RBFOX1: variants seen among roughly 807,000 people sequenced by gnomAD.
The protein encoded by RBFOX1 is RNA binding fox-1 homolog 1.
In RBFOX1, 8 loss-of-function variants were observed where a neutral mutation model predicts 57.7. That is an observed-to-expected ratio of 0.14 (90% CI 0.08 to 0.25). RBFOX1 has a LOEUF of 0.25. Among genes scored for constraint, RBFOX1 ranks in the 10% least tolerant of loss-of-function variants. RBFOX1 has a pLI of 1.00. For synonymous variants in RBFOX1, 326 were observed against 222.4 expected (o/e 1.47, Z -4.15); for missense variants, 611 against 548.5 (o/e 1.11, Z -1.14).
intron 3 of RBFOX1, among the ~76,000 whole-genome samples, chr16:6,724,651 A>G (rs1166217878): frequency 1.3e-5 from 2 of 152,216 alleles, no homozygotes; most frequent in Non-Finnish European, 2.9e-5. Context: ...ATTTTGTTAT[A>G]GCAGCCCGAA....
chr16:5,372,172 T>C (rs1003292408), intron 1 of RBFOX1, among the ~76,000 whole-genome samples: 2 of 152,176 alleles, frequency 1.3e-5, no homozygotes, highest in Non-Finnish European at 2.9e-5. Context: ...TAGGTCAATA[T>C]TTGATGGCTT....
At chr16:6,712,488 GT>G (rs1012111452) in intron 3 of RBFOX1, among the ~76,000 whole-genome samples, 2 of 152,016 alleles carry the variant, frequency 1.3e-5, no homozygotes, top group African/African-American at 4.8e-5. Flanking sequence ...TTTTCTCCCA[GT>G]TTTTTCCATC....
chr16:6,172,304 AGT>A (rs1250945864), intron 1 of RBFOX1, among the ~76,000 whole-genome samples: 1 of 152,156 alleles, frequency 6.6e-6, no homozygotes, highest in Admixed American at 6.5e-5. Context: ...ATCTTCTGCA[AGT>A]TGCTCTGGTG....
At chr16:5,747,216 G>T (rs548152450) in intron 3 of RBFOX1, among the ~76,000 whole-genome samples, 12 of 152,310 alleles carry the variant, frequency 7.9e-5, no homozygotes, top group African/African-American at 2.9e-4. Context: ...AACCAGCCTT[G>T]CATCCCAGGG....
intron 2 of RBFOX1, among the ~76,000 whole-genome samples, chr16:5,536,658 G>A (rs562381128): frequency 1.2e-4 from 19 of 152,180 alleles, no homozygotes; most frequent in African/African-American, 3.6e-4. Context: ...CGTCAAATTC[G>A]GTCCCCACTC....
At chr16:5,541,585 A>T (rs750548379) in intron 2 of RBFOX1, among the ~76,000 whole-genome samples, 3 of 152,132 alleles carry the variant, frequency 2.0e-5, no homozygotes, top group Non-Finnish European at 4.4e-5. Flanking sequence ...AGGTAATCAG[A>T]TATGCGTTTA....
intron 1 of RBFOX1, among the ~76,000 whole-genome samples, chr16:6,260,143 A>G (rs1292189718): frequency 6.6e-6 from 1 of 152,126 alleles, no homozygotes; most frequent in Non-Finnish European, 1.5e-5. Context: ...CCTCTACAGA[A>G]ATCTGTTGAG....
intron 4 of RBFOX1, among the ~76,000 whole-genome samples, chr16:5,983,938 C>G (rs1250175505): frequency 2.1e-5 from 3 of 144,178 alleles, no homozygotes; most frequent in Non-Finnish European, 4.6e-5. Flanking sequence ...CCTCCTCCTC[C>G]TCCTCTTCCT....
intron 4 of RBFOX1, among the ~76,000 whole-genome samples, chr16:7,417,142 G>A (rs1399101122): frequency 6.6e-6 from 1 of 151,996 alleles, no homozygotes; most frequent in Non-Finnish European, 1.5e-5. Flanking sequence ...GGCGGAGGCG[G>A]GTGGATCATC....
intron 3 of RBFOX1, among the ~76,000 whole-genome samples, chr16:6,951,608 T>A (rs2080776330): frequency 6.6e-6 from 1 of 152,102 alleles, no homozygotes; most frequent in Non-Finnish European, 1.5e-5. Flanking sequence ...CTCCATGTGG[T>A]TTTTTCTCAT....
At position 5,401,793 on chromosome 16, in the gene RBFOX1, T is replaced by TCCTCTTCCTCCTCCTCCTCCTC. The variant is rs200917305; in HGVS notation, c.220-65422_220-65421insCTCTTCCTCCTCCTCCTCCTCC. 2.0e-5 allele frequency among the ~76,000 whole-genome samples: 3 copies of TCCTCTTCCTCCTCCTCCTCCTC among 148,960 alleles called. No individual in the cohort carries two copies. The Admixed American group carries it at 2.0e-4, about 10-fold the overall frequency. ...CTCCTCCTCCTCCTCCTCCTCCTCC[T>TCCTCTTCCTCCTCCTCCTCCTC]CTTTCTCCTCCTCCTTCTCCTTCTC... On this transcript the variant is annotated intron_variant, in intron 1 of 2. Coordinates refer to the RBFOX1 transcript ENST00000585867.
chr16:7,123,746 T>C (rs2067742098), intron 4 of RBFOX1, among the ~76,000 whole-genome samples: 1 of 152,186 alleles, frequency 6.6e-6, no homozygotes, highest in South Asian at 2.1e-4. Context: ...ATTTATATTG[T>C]ATGATGATAC....
intron 4 of RBFOX1, among the ~76,000 whole-genome samples, chr16:5,893,047 A>C (rs1434754533): frequency 6.6e-6 from 1 of 152,236 alleles, no homozygotes; most frequent in African/African-American, 2.4e-5. Flanking sequence ...TCAGTGACCC[A>C]ACCCAGCTGG....
chr16:6,999,740 A>G (rs767701171), intron 3 of RBFOX1, among the ~76,000 whole-genome samples: 29 of 152,082 alleles, frequency 1.9e-4, no homozygotes, highest in Non-Finnish European at 3.8e-4. Context: ...ACTTTTTAAA[A>G]AAAGAACTGT....
rs370775134 is a variant in RBFOX1 at position 5,496,699 on chromosome 16, G to A, written c.258+29445G>A. On this transcript the variant is annotated intron_variant, in intron 2 of 2. Transcript: ENST00000585867. Reference sequence around the variant, plus strand: ...GGGATGGGATGGGGAAATGGTTTCTGTACTGAACTCCCTGCATTTCCAGAG... The same window carrying A: ...GGGATGGGATGGGGAAATGGTTTCTATACTGAACTCCCTGCATTTCCAGAG... Among the ~76,000 whole-genome samples the A allele has an allele frequency of 4.6e-5, 7 of 152,126 alleles. No homozygotes were observed. The East Asian group carries it at 9.6e-4, about 21-fold the overall frequency.
At chr16:7,308,146 G>C (rs2096235166) in intron 4 of RBFOX1, among the ~76,000 whole-genome samples, 1 of 152,100 alleles carries the variant, frequency 6.6e-6, no homozygotes, top group African/African-American at 2.4e-5. Context: ...ACAGGACACA[G>C]AAATCTAGAG....
intron 3 of RBFOX1, among the ~76,000 whole-genome samples, chr16:6,693,186 G>A (rs61527198): frequency 0.055 from 5,839 of 105,652 alleles, 347 homozygotes; most frequent in African/African-American, 0.18. Context: ...ACCATCATCC[G>A]CATCCGCTAC....
rs2042699656 is a variant in RBFOX1 at position 5,488,216 on chromosome 16, G to A, written c.258+20962G>A. Among the ~76,000 whole-genome samples the A allele has an allele frequency of 3.2e-5, 2 of 62,326 alleles. 1 individual carries two copies. Among genetic ancestry groups the A allele is most frequent in the Admixed American group, 3.5e-4 (2 of 5,682 alleles). The allele number at this position is 62,326 out of a possible 152,430, so 40.9% of individuals were successfully genotyped here. ...GATGGTGATGATGATGGTGGAAGATGATGGTGCTGGTGGGGTGTGATGGTG... is the reference window on the plus strand; with the variant it reads ...GATGGTGATGATGATGGTGGAAGATAATGGTGCTGGTGGGGTGTGATGGTG... On this transcript the variant is annotated intron_variant, in intron 2 of 2. Transcript: ENST00000585867.
chr16:7,307,712 A>G (rs887545070), intron 4 of RBFOX1, among the ~76,000 whole-genome samples: 1 of 152,240 alleles, frequency 6.6e-6, no homozygotes, highest in African/African-American at 2.4e-5. Flanking sequence ...ATGTACTCAC[A>G]TAGGAACACA....
Sources: gnomAD v4.1 joint callset for allele counts (sites outside exome capture counted in the v4.1 genomes callset) on GRCh38, gnomAD v4.1.1 for gene constraint, MANE v1.5 for transcripts, NCBI Gene and HGNC (gene_info 2026-07-23, HGNC 2026-07-21) for gene names.